METTL15: variants seen among roughly 807,000 people sequenced by gnomAD.
The protein encoded by METTL15 is 12S rRNA N(4)-cytidine methyltransferase METTL15.
METTL15 carries 34 observed loss-of-function variants against 38.3 expected under a neutral mutation model. That is an observed-to-expected ratio of 0.89 (90% confidence interval 0.68 to 1.18). The LOEUF is 1.18. Ranked by LOEUF, METTL15 falls within the 50% of genes most tolerant of loss-of-function variation. The pLI, the probability that METTL15 is intolerant of heterozygous loss-of-function variation, is 0.00. For missense variants in METTL15, 438 were observed against 498.4 expected (o/e 0.88, Z 1.15); for synonymous variants, 162 against 170.9 (o/e 0.95, Z 0.41).
intron 3 of METTL15, chr11:28,163,906 G>A (rs186163786): frequency 1.3e-5 from 2 of 152,280 alleles, no homozygotes; most frequent in East Asian, 1.9e-4. Flanking sequence ...TATGATTTAT[G>A]TCTCTTTAGG....
intron 3 of METTL15, among the ~76,000 whole-genome samples, chr11:28,177,787 A>G (rs1851132711): frequency 6.6e-6 from 1 of 151,976 alleles, no homozygotes; most frequent in African/African-American, 2.4e-5. Flanking sequence ...GGTCCTTAGC[A>G]GGAGCATTTA....
intron 3 of METTL15, among the ~76,000 whole-genome samples, chr11:28,179,567 T>C (rs1481088238): frequency 6.6e-6 from 1 of 151,860 alleles, no homozygotes; most frequent in African/African-American, 2.4e-5. Context: ...AACATGTTTG[T>C]GATAGTCATC....
intron 2 of METTL15, among the ~76,000 whole-genome samples, chr11:28,111,814 CTAT>C (rs1300752128): frequency 6.6e-6 from 1 of 152,104 alleles, no homozygotes; most frequent in African/African-American, 2.4e-5. Context: ...TAAATGTTAG[CTAT>C]TATTTTGTAA....
intron 6 of METTL15, among the ~76,000 whole-genome samples, chr11:28,318,695 C>T (rs1173025234): frequency 6.6e-6 from 1 of 151,892 alleles, no homozygotes; most frequent in Non-Finnish European, 1.5e-5. Flanking sequence ...CAAGCTTGTT[C>T]TCCTCATCTT....
rs1192061968 is a variant in METTL15 at position 28,110,203 on chromosome 11, T to C, written c.-216T>C. 6.6e-6 allele frequency: 1 copy of C among 152,220 alleles called. No individual in the cohort carries two copies. Among genetic ancestry groups the C allele is most frequent in the East Asian group, 1.9e-4 (1 of 5,196 alleles). 9.4% of individuals were successfully genotyped at this position (152,220 alleles called of 1,614,324 possible). On this transcript the variant is annotated 5_prime_UTR_variant, in exon 2 of 7. Coordinates refer to ENST00000407364, the MANE Select transcript of METTL15 (RefSeq NM_001113528.2). ...GAAACCCCAGGCCAACAGGACCCTTTGGCAGCTGAGGCTGGAAACAGCGGA... is the reference window on the plus strand; with the variant it reads ...GAAACCCCAGGCCAACAGGACCCTTCGGCAGCTGAGGCTGGAAACAGCGGA...
intron 5 of METTL15, among the ~76,000 whole-genome samples, chr11:28,387,804 C>A (rs929015819): frequency 6.6e-6 from 1 of 152,028 alleles, no homozygotes; most frequent in Non-Finnish European, 1.5e-5. Flanking sequence ...TAACAAAATA[C>A]TAGCAAATAC....
intron 3 of METTL15, among the ~76,000 whole-genome samples, chr11:28,204,728 T>C (rs906063385): frequency 6.6e-6 from 1 of 151,946 alleles, no homozygotes; most frequent in African/African-American, 2.4e-5. Context: ...TCCTTCATGA[T>C]TGTAATGATG....
chr11:28,169,844 T>C (rs999979517), intron 3 of METTL15, among the ~76,000 whole-genome samples: 7 of 152,194 alleles, frequency 4.6e-5, no homozygotes, highest in Non-Finnish European at 1.0e-4. Flanking sequence ...TCTCTTACTT[T>C]TGCAGCAGAG....
intron 6 of METTL15, among the ~76,000 whole-genome samples, chr11:28,520,364 G>A (rs1851755284): frequency 6.6e-6 from 1 of 152,070 alleles, no homozygotes; most frequent in Non-Finnish European, 1.5e-5. Flanking sequence ...AAAAAAAGGA[G>A]TCAGGGGCCT....
At position 28,286,730 on chromosome 11, in the gene METTL15, C is replaced by T. The variant is rs79835568; in HGVS notation, c.408-3476C>T. ...ATTAAGGCCTAGTTATTATGTGTTC[C>T]TTAACTTCTGGGGAAAGTAGTGTTT... On this transcript the variant is annotated intron_variant, in intron 4 of 6. Transcript: ENST00000407364. Among the ~76,000 whole-genome samples, 503 of 152,070 alleles carry T rather than the reference C, an allele frequency of 3.3e-3. 2 individuals are homozygous for T. Among genetic ancestry groups the T allele is most frequent in the African/African-American group, 0.012 (492 of 41,482 alleles).
chr11:28,113,371 G>A lies in METTL15; in HGVS notation c.37G>A (p.Glu13Lys). Reference sequence around the variant, plus strand: ...TCCATATTTTTGTAGAATGTATAAAGAATGCCTTTCATGTTGGTTGGAATC... The same window carrying A: ...TCCATATTTTTGTAGAATGTATAAAAAATGCCTTTCATGTTGGTTGGAATC... ...RYPYFCRMYK[E>K]CLSCWLESGI... is the part of the protein sequence containing the mutation. The change falls in exon 3 of 7, where the codon GAA becomes AAA. Residue 13 changes from glutamate to lysine, a missense_variant. Physicochemically the swap from Glu to Lys is moderately conservative, Grantham distance 56 (BLOSUM62 1). Coordinates refer to ENST00000407364, the MANE Select transcript of METTL15 (RefSeq NM_001113528.2). 1.9e-6 allele frequency: 3 copies of A among 1,591,168 alleles called. No homozygotes were observed. In the African/African-American group the frequency reaches 4.1e-5, roughly 22 times the overall value.
intron 5 of METTL15, among the ~76,000 whole-genome samples, chr11:28,364,606 A>G (rs1850169188): frequency 6.6e-6 from 1 of 152,164 alleles, no homozygotes; most frequent in Non-Finnish European, 1.5e-5. Context: ...TTTTCTAGGT[A>G]TAGAATCATA....
intron 6 of METTL15, among the ~76,000 whole-genome samples, chr11:28,463,948 C>T (rs562599942): frequency 6.6e-6 from 1 of 152,142 alleles, no homozygotes; most frequent in African/African-American, 2.4e-5. Context: ...TTCCTCATGT[C>T]AGAAACAAAA....
At chr11:28,178,379 G>A (rs943686321) in intron 3 of METTL15, among the ~76,000 whole-genome samples, 5 of 151,794 alleles carry the variant, frequency 3.3e-5, no homozygotes, top group Non-Finnish European at 5.9e-5. Flanking sequence ...TCCATTTTGG[G>A]TATTATCTGT....
At chr11:28,270,049 TTC>T (rs1254470982) in intron 4 of METTL15, among the ~76,000 whole-genome samples, 1 of 152,236 alleles carries the variant, frequency 6.6e-6, no homozygotes, top group African/African-American at 2.4e-5. Context: ...AGAATGTTAA[TTC>T]TCTCAAATTC....
At chr11:28,152,130 A>G (rs1214044115) in intron 3 of METTL15, among the ~76,000 whole-genome samples, 1 of 151,896 alleles carries the variant, frequency 6.6e-6, no homozygotes, top group Non-Finnish European at 1.5e-5. Flanking sequence ...CTTTATATAC[A>G]TTTTAGACAG....
chr11:28,387,629 A>G lies in METTL15; in HGVS notation c.*358+25593A>G, dbSNP rs376435469. 8.5e-5 allele frequency among the ~76,000 whole-genome samples: 13 copies of G among 152,176 alleles called. No homozygotes were observed. The South Asian group carries it at 2.7e-3, about 32-fold the overall frequency. On this transcript the variant is annotated intron_variant and NMD_transcript_variant, in intron 5 of 7. Transcript: ENST00000532947. ...CTGGAAAACATTTAAAGAAAAATTA[A>G]CACCAGTGTTTCTGAAACTCTTTCA...
intron 3 of METTL15, among the ~76,000 whole-genome samples, chr11:28,128,423 G>A (rs1852591901): frequency 6.6e-6 from 1 of 152,090 alleles, no homozygotes; most frequent in Non-Finnish European, 1.5e-5. Context: ...CATTCGGGGA[G>A]TACAGTTTTG....
At chr11:28,380,217 G>C (rs1361559062) in intron 5 of METTL15, among the ~76,000 whole-genome samples, 1 of 147,776 alleles carries the variant, frequency 6.8e-6, no homozygotes, top group Non-Finnish European at 1.5e-5. Context: ...GCCCAGGCTG[G>C]AGTACAGTGG....
Sources: allele counts gnomAD v4.1 joint callset (sites outside exome capture counted in the v4.1 genomes callset), GRCh38; gene constraint gnomAD v4.1.1; transcripts MANE v1.5; gene names NCBI Gene and HGNC (gene_info 2026-07-23, HGNC 2026-07-21).